The following ZNF184 variants were observed in gnomAD, a reference collection of about 807,000 sequenced individuals.
ZNF184 encodes the protein zinc finger protein 184 (Kruppel-like).
A neutral mutation model predicts 54.4 loss-of-function variants in ZNF184; 16 were observed. The ratio of observed to expected loss-of-function variants is 0.29; its 90% confidence interval spans 0.20 to 0.45. The LOEUF (loss-of-function observed/expected upper bound fraction) is 0.45. ZNF184 is among the 20% of genes least tolerant of loss of function. ZNF184 has a pLI of 1.00. For missense variants in ZNF184, 681 were observed against 888.2 expected (o/e 0.77, Z 2.97); for synonymous variants, 254 against 295.3 (o/e 0.86, Z 1.43).
In ZNF184 at chr6:27,466,170, G is replaced by T. The variant is rs1336667371; in HGVS notation, c.75+1683C>A. On this transcript the variant is annotated intron_variant, in intron 3 of 5. Transcript: ENST00000683788. ...AGAGAGAGAGAGAGAGAGAGAGAGA[G>T]ATAAATTTGAAGATGCCACAGTACT... is the stretch of plus-strand genomic sequence containing the variant. Among the ~76,000 whole-genome samples, 3 of 147,714 alleles carry T rather than the reference G, an allele frequency of 2.0e-5. No homozygotes were observed. The East Asian group carries it at 6.1e-4, about 30-fold the overall frequency.
chr6:27,457,147 G>C (rs1397151828), intron 4 of ZNF184, 136 bp downstream of exon 4: 1 of 1,255,906 alleles, frequency 8.0e-7, no homozygotes, highest in Non-Finnish European at 1.1e-6. Flanking sequence ...TGCTTGCTAG[G>C]ATGGTAGAAA....
the ZNF184 span, among the ~76,000 whole-genome samples, chr6:27,421,223 T>A: frequency 6.6e-6 from 1 of 152,200 alleles, no homozygotes; most frequent in African/African-American, 2.4e-5. Context: ...AATCCTAATC[T>A]CAACTATGGA....
the ZNF184 span, among the ~76,000 whole-genome samples, chr6:27,429,263 T>C: frequency 6.6e-6 from 1 of 152,230 alleles, no homozygotes; most frequent in Non-Finnish European, 1.5e-5. Context: ...AGAGGTCACA[T>C]TCTTTGCCTC....
the ZNF184 span, among the ~76,000 whole-genome samples, chr6:27,433,925 T>G: frequency 7.3e-5 from 7 of 95,714 alleles, no homozygotes; most frequent in African/African-American, 3.1e-4. Flanking sequence ...TCTTTCTTCT[T>G]TCTTTCTTTT....
the ZNF184 span, among the ~76,000 whole-genome samples, chr6:27,414,257 G>T: frequency 0.03 from 4,636 of 152,122 alleles, 74 homozygotes; most frequent in African/African-American, 0.036. Flanking sequence ...TTTCATCCTT[G>T]TCCCTTTTAA....
chr6:27,445,800 T>G (rs1762630382), downstream of ZNF184, among the ~76,000 whole-genome samples: 1 of 151,580 alleles, frequency 6.6e-6, no homozygotes, highest in Non-Finnish European at 1.5e-5. Context: ...AGCAAGGTAT[T>G]GGAAACTAGA....
At chr6:27,422,354 G>A in the ZNF184 span, among the ~76,000 whole-genome samples, 1 of 151,990 alleles carries the variant, frequency 6.6e-6, no homozygotes, top group African/African-American at 2.4e-5. Flanking sequence ...CAACAGAGAT[G>A]TTCCTTTTCG....
At chr6:27,433,551 G>C in the ZNF184 span, among the ~76,000 whole-genome samples, 76 of 152,182 alleles carry the variant, frequency 5.0e-4, no homozygotes, top group African/African-American at 1.8e-3. Flanking sequence ...CTGTAAGTTT[G>C]CTTATTCTAG....
chr6:27,404,777 G>A, the ZNF184 span: 3 of 152,200 alleles, frequency 2.0e-5, no homozygotes, highest in South Asian at 2.1e-4. Context: ...AGCACTTTGG[G>A]AGGCCAAGGC....
At chr6:27,466,094 A>G (rs915530351) in intron 3 of ZNF184, among the ~76,000 whole-genome samples, 4 of 152,148 alleles carry the variant, frequency 2.6e-5, no homozygotes, top group South Asian at 2.1e-4. Context: ...GGAGGTAAGC[A>G]TATCAGAGTA....
chr6:27,454,980 A>C (rs1439071133), intron 5 of ZNF184, among the ~76,000 whole-genome samples: 1 of 152,188 alleles, frequency 6.6e-6, no homozygotes, highest in African/African-American at 2.4e-5. Flanking sequence ...AAGATCATCA[A>C]GACAGCTCCG....
intron 4 of ZNF184, 119 bp downstream of exon 4, chr6:27,457,164 C>T: frequency 2.1e-6 from 3 of 1,417,762 alleles, no homozygotes; most frequent in Non-Finnish European, 2.9e-6. Flanking sequence ...GAAACCTTTT[C>T]AAAAACTAGA....
At chr6:27,442,347 T>C in the ZNF184 span, among the ~76,000 whole-genome samples, 3 of 152,148 alleles carry the variant, frequency 2.0e-5, no homozygotes, top group African/African-American at 7.2e-5. Context: ...CAGCCAAACA[T>C]GGTGACTCAT....
At chr6:27,436,881 A>T in the ZNF184 span, among the ~76,000 whole-genome samples, 1 of 152,180 alleles carries the variant, frequency 6.6e-6, no homozygotes, top group Non-Finnish European at 1.5e-5. Flanking sequence ...AAAAAGGAGG[A>T]CATGAAAAAG....
chr6:27,424,124 C>T, the ZNF184 span, among the ~76,000 whole-genome samples: 2 of 152,128 alleles, frequency 1.3e-5, no homozygotes, highest in Admixed American at 6.5e-5. Context: ...CTGGTGGGTT[C>T]GTGGTCTCCC....
At chr6:27,427,791 TA>T in the ZNF184 span, among the ~76,000 whole-genome samples, 2 of 152,230 alleles carry the variant, frequency 1.3e-5, no homozygotes, top group Non-Finnish European at 2.9e-5. Flanking sequence ...TGGTGTCACC[TA>T]ACCAAAAGAG....
At chr6:27,409,618 G>A in the ZNF184 span, among the ~76,000 whole-genome samples, 1 of 150,984 alleles carries the variant, frequency 6.6e-6, no homozygotes, top group East Asian at 1.9e-4. Context: ...AACTATTCTT[G>A]TAATATCTCA....
At chr6:27,444,620 A>G in the ZNF184 span, among the ~76,000 whole-genome samples, 1 of 152,092 alleles carries the variant, frequency 6.6e-6, no homozygotes, top group African/African-American at 2.4e-5. Flanking sequence ...ATCAGGTTTT[A>G]GTTCCACCAC....
the ZNF184 span, among the ~76,000 whole-genome samples, chr6:27,434,376 G>A: frequency 6.6e-6 from 1 of 152,282 alleles, no homozygotes; most frequent in Middle Eastern, 3.4e-3. Flanking sequence ...CCTAATGGGT[G>A]TAAAGTGGTA....
Sources: gnomAD v4.1 joint callset for allele counts (sites outside exome capture counted in the v4.1 genomes callset) on GRCh38, gnomAD v4.1.1 for gene constraint, MANE v1.5 for transcripts, NCBI Gene and HGNC (gene_info 2026-07-23, HGNC 2026-07-21) for gene names.